The following LRRC63 variants were observed in gnomAD, a reference collection of about 807,000 sequenced individuals.
LRRC63 encodes leucine rich repeat containing 63.
In LRRC63, 40 loss-of-function variants were observed where a neutral mutation model predicts 49.5. That is an observed-to-expected ratio of 0.81 (90% CI 0.63 to 1.05). The LOEUF is 1.05. Among genes scored for constraint, LRRC63 ranks in the 50% least tolerant of loss-of-function variants. The pLI, the probability that LRRC63 is intolerant of heterozygous loss-of-function variation, is 0.00. For synonymous variants in LRRC63, 191 were observed against 221.1 expected (o/e 0.86, Z 1.21); for missense variants, 636 against 663.1 (o/e 0.96, Z 0.45).
At chr13:46,214,548 CT>C (rs1484493753) in intron 2 of LRRC63, among the ~76,000 whole-genome samples, 2 of 151,472 alleles carry the variant, frequency 1.3e-5, no homozygotes, top group South Asian at 2.1e-4. Context: ...TGGATGGTTC[CT>C]TTTTTTTGGT....
intron 9 of LRRC63, among the ~76,000 whole-genome samples, chr13:46,272,373 A>G (rs944011857): frequency 1.3e-5 from 2 of 152,246 alleles, no homozygotes; most frequent in African/African-American, 4.8e-5. Context: ...ATATACAGAT[A>G]GGTGATAAAC....
In LRRC63 at chr13:46,276,571, G is replaced by A. The variant is rs575925256; in HGVS notation, c.1551-19G>A. The A allele has an allele frequency of 1.4e-4, 160 of 1,178,890 alleles. No individual in the cohort carries two copies. The highest frequency in any genetic ancestry group is 1.6e-4 in the Non-Finnish European group (150 of 940,108). The allele number at this position is 1,178,890 out of a possible 1,614,324, so 73.0% of individuals were successfully genotyped here. A position where few individuals can be genotyped will look rare whatever the true frequency, so the allele number is the denominator to read the frequency against. ...GTAAAAATTTATTAAATATTGACTT[G>A]CTGTTTCCTCCATTTCAGCACATCC... On this transcript the variant is annotated intron_variant, in intron 9 of 9. Transcript: ENST00000595396.
chr13:46,250,587 C>T (rs1372438946), intron 7 of LRRC63, 96 bp downstream of exon 7: 1 of 1,050,230 alleles, frequency 9.5e-7, no homozygotes. Flanking sequence ...AGCTTTTTGG[C>T]TATTTAGTAA....
chr13:46,265,466 C>A (rs1438088755), intron 8 of LRRC63, among the ~76,000 whole-genome samples: 1 of 152,316 alleles, frequency 6.6e-6, no homozygotes, highest in East Asian at 1.9e-4. Flanking sequence ...AAGGCCCCAG[C>A]AGATGTGGTG....
At chr13:46,263,965 A>AT (rs1272541478) in intron 8 of LRRC63, among the ~76,000 whole-genome samples, 4 of 152,102 alleles carry the variant, frequency 2.6e-5, no homozygotes, top group Admixed American at 2.6e-4. Context: ...TACATAGGTA[A>AT]TTTTTTCTCT....
exon 9 of LRRC63, chr13:46,266,940 G>A: frequency 6.5e-7 from 1 of 1,544,404 alleles, no homozygotes; most frequent in Non-Finnish European, 8.7e-7. Context: ...TTTATGATAA[G>A]ATCCCAGTAG....
intron 7 of LRRC63, among the ~76,000 whole-genome samples, chr13:46,255,932 C>A (rs2047501221): frequency 6.6e-6 from 1 of 152,070 alleles, no homozygotes. Flanking sequence ...TTCACCTGTT[C>A]TGGAAAATTA....
chr13:46,266,815 C>T lies in LRRC63; in HGVS notation c.1393C>T (p.Gln465Ter), dbSNP rs1164399055. Reference sequence around the variant, plus strand: ...TTTGAAGCTTAACCTGACAAAAATTCAGTTTGAGAATAATTTCACTCATCC... The same window carrying T: ...TTTGAAGCTTAACCTGACAAAAATTTAGTTTGAGAATAATTTCACTCATCC... Residue 465 changes from glutamine (Q) to a stop codon, truncating the protein, a stop_gained, in exon 9 of 10, where the codon CAG becomes TAG. Transcript: ENST00000595396. LOFTEE classifies it high-confidence loss of function. 5 of 1,549,976 alleles carry T rather than the reference C, an allele frequency of 3.2e-6. No individual in the cohort carries two copies. Among genetic ancestry groups the T allele is most frequent in the Admixed American group, 2.0e-5 (1 of 50,956 alleles).
At chr13:46,223,434 G>C (rs1472869459) in intron 2 of LRRC63, among the ~76,000 whole-genome samples, 1 of 149,026 alleles carries the variant, frequency 6.7e-6, no homozygotes, top group Non-Finnish European at 1.5e-5. Flanking sequence ...TCCTCCATCT[G>C]TGAAGGATAA....
At chr13:46,217,976 T>C (rs190810983) in intron 2 of LRRC63, among the ~76,000 whole-genome samples, 121 of 152,336 alleles carry the variant, frequency 7.9e-4, no homozygotes, top group African/African-American at 2.5e-3. Context: ...CTATTTGTTG[T>C]GATTTCCGTT....
intron 2 of LRRC63, among the ~76,000 whole-genome samples, chr13:46,223,087 G>A (rs1296416938): frequency 2.7e-5 from 4 of 149,878 alleles, no homozygotes; most frequent in African/African-American, 9.9e-5. Flanking sequence ...GGGAAGGATA[G>A]CATTAGGAGA....
intron 8 of LRRC63, 103 bp downstream of exon 8, chr13:46,262,095 A>G: frequency 2.6e-6 from 1 of 378,078 alleles, no homozygotes; most frequent in Admixed American, 4.7e-5. Context: ...TAGCCATAAA[A>G]TGTAATCTGT....
intron 2 of LRRC63, among the ~76,000 whole-genome samples, chr13:46,227,257 A>T (rs896101590): frequency 6.6e-6 from 1 of 152,134 alleles, no homozygotes; most frequent in Non-Finnish European, 1.5e-5. Flanking sequence ...CTCTCTACCA[A>T]TTCTGTTCTT....
At chr13:46,243,632 T>G (rs758845991) in intron 5 of LRRC63, among the ~76,000 whole-genome samples, 19 of 152,196 alleles carry the variant, frequency 1.2e-4, no homozygotes, top group Admixed American at 9.2e-4. Context: ...TAAAGTAAAC[T>G]TTAAGTCAAG....
chr13:46,252,630 G>C lies in LRRC63; in HGVS notation c.1226+2139G>C, dbSNP rs188405708. Among the ~76,000 whole-genome samples the C allele has an allele frequency of 9.2e-5, 14 of 152,172 alleles. No homozygotes were observed. In the East Asian group the frequency reaches 2.5e-3, roughly 27 times the overall value. ...ACATGTAACCCATTCTGAAGGGTGA[G>C]AGTTGGTTCCCTGGAAGATGTAGTA... On this transcript the variant is annotated intron_variant, in intron 7 of 9. Transcript: ENST00000595396.
exon 7 of LRRC63, chr13:46,250,404 T>C: frequency 6.6e-7 from 1 of 1,526,616 alleles, no homozygotes; most frequent in Non-Finnish European, 8.9e-7. Flanking sequence ...AATAATCCTA[T>C]CAAAGAAATT....
intron 4 of LRRC63, among the ~76,000 whole-genome samples, chr13:46,232,573 A>AG (rs1156534151): frequency 6.6e-6 from 1 of 152,222 alleles, no homozygotes; most frequent in Non-Finnish European, 1.5e-5. Flanking sequence ...CCAAGCCCTA[A>AG]CAAAGCTCAA....
At chr13:46,223,475 G>GTTTGT (rs1566472007) in intron 2 of LRRC63, among the ~76,000 whole-genome samples, 6 of 127,876 alleles carry the variant, frequency 4.7e-5, no homozygotes, top group East Asian at 2.4e-4. Context: ...TTGGCTGACA[G>GTTTGT]TTTTTTTTGT....
At chr13:46,263,327 A>G (rs536760785) in intron 8 of LRRC63, among the ~76,000 whole-genome samples, 5 of 152,138 alleles carry the variant, frequency 3.3e-5, no homozygotes, top group East Asian at 3.9e-4. Context: ...GGTGTACACC[A>G]GCATGCCTCG....
Sources: allele counts gnomAD v4.1 joint callset (sites outside exome capture counted in the v4.1 genomes callset), GRCh38; gene constraint gnomAD v4.1.1; transcripts MANE v1.5; gene names NCBI Gene and HGNC (gene_info 2026-07-23, HGNC 2026-07-21).